Variants in HYCC2 observed in about 807,000 individuals in gnomAD.
HYCC2 encodes the protein hyccin 2.
the HYCC2 span, among the ~76,000 whole-genome samples, chr2:201,068,224 T>C: frequency 2.6e-5 from 4 of 151,894 alleles, no homozygotes; most frequent in Admixed American, 6.6e-5. Context: ...GAGGCAGAGG[T>C]TGCTGTGAGC....
chr2:201,049,212 A>G, the HYCC2 span, among the ~76,000 whole-genome samples: 1 of 152,118 alleles, frequency 6.6e-6, no homozygotes, highest in African/African-American at 2.4e-5. Context: ...ATAGTTGGAG[A>G]CCCACATCTC....
the HYCC2 span, among the ~76,000 whole-genome samples, chr2:201,059,162 T>G: frequency 6.6e-6 from 1 of 152,216 alleles, no homozygotes; most frequent in Non-Finnish European, 1.5e-5. Context: ...CTCCTGAGTC[T>G]CCAGCTTGCC....
chr2:201,027,513 A>T, the HYCC2 span, among the ~76,000 whole-genome samples: 1 of 152,194 alleles, frequency 6.6e-6, no homozygotes, highest in Non-Finnish European at 1.5e-5. Context: ...CACAACAAAA[A>T]AAGAGAATTT....
the HYCC2 span, chr2:200,981,260 G>A: frequency 1.1e-5 from 17 of 1,609,088 alleles, no homozygotes; most frequent in Non-Finnish European, 1.3e-5. The surrounding 1 kb of genome is among the most constrained non-coding windows in gnomAD (Gnocchi z 4.5). Context: ...GATGAGGGAG[G>A]ATGTCAAAAC....
At chr2:201,071,216 C>T in the HYCC2 span, among the ~76,000 whole-genome samples, 1 of 152,186 alleles carries the variant, frequency 6.6e-6, no homozygotes, top group South Asian at 2.1e-4. Flanking sequence ...CCCTAAGAAG[C>T]AATCACTGGG....
the HYCC2 span, chr2:200,993,092 C>G: frequency 4.3e-6 from 4 of 931,082 alleles, no homozygotes; most frequent in African/African-American, 1.6e-5. Context: ...TCAATTTATT[C>G]ATTCCTCAAG....
chr2:201,059,936 T>C, the HYCC2 span, among the ~76,000 whole-genome samples: 1 of 151,390 alleles, frequency 6.6e-6, no homozygotes, highest in Non-Finnish European at 1.5e-5. Flanking sequence ...TCCCAGCTAC[T>C]TGGGAGGCTG....
the HYCC2 span, chr2:200,981,439 C>T: frequency 1.2e-6 from 2 of 1,614,150 alleles, no homozygotes; most frequent in South Asian, 2.2e-5. This position sits in a 1 kb window ranked among gnomAD's most constrained non-coding sequence, Gnocchi z 4.5. Flanking sequence ...ATTAGTACCT[C>T]CCTCAGTGCC....
chr2:201,071,141 T>G, the HYCC2 span, among the ~76,000 whole-genome samples: 1 of 152,212 alleles, frequency 6.6e-6, no homozygotes, highest in East Asian at 1.9e-4. Context: ...ATAATGAGTG[T>G]TCAGAATCTG....
chr2:201,029,991 G>A, the HYCC2 span, among the ~76,000 whole-genome samples: 1 of 152,200 alleles, frequency 6.6e-6, no homozygotes, highest in Non-Finnish European at 1.5e-5. Context: ...GGAGGCTGAG[G>A]TGGGAAGAAC....
the HYCC2 span, among the ~76,000 whole-genome samples, chr2:201,054,083 C>T: frequency 7.1e-3 from 1,086 of 152,258 alleles, 16 homozygotes; most frequent in African/African-American, 0.025. Flanking sequence ...CCTGGGAATC[C>T]AGAAGGTCAT....
the HYCC2 span, among the ~76,000 whole-genome samples, chr2:201,029,146 G>C: frequency 6.6e-6 from 1 of 152,188 alleles, no homozygotes; most frequent in African/African-American, 2.4e-5. Flanking sequence ...AGCGGGCAAA[G>C]CATATGAACA....
At chr2:201,048,667 C>T in the HYCC2 span, among the ~76,000 whole-genome samples, 1 of 151,906 alleles carries the variant, frequency 6.6e-6, no homozygotes, top group African/African-American at 2.4e-5. Flanking sequence ...TTTTGTCAGA[C>T]TGGATTAAAC....
At chr2:200,992,599 A>T in the HYCC2 span, among the ~76,000 whole-genome samples, 1,469 of 152,294 alleles carry the variant, frequency 9.6e-3, 27 homozygotes, top group African/African-American at 0.034. Context: ...ACATGCTGAT[A>T]TTTAGAGTAA....
the HYCC2 span, chr2:201,021,529 T>C: frequency 6.5e-6 from 1 of 154,086 alleles, no homozygotes; most frequent in African/African-American, 2.4e-5. Context: ...TATACACTTG[T>C]GAGCCCTAAT....
the HYCC2 span, among the ~76,000 whole-genome samples, chr2:201,024,526 C>T: frequency 6.6e-6 from 1 of 151,418 alleles, no homozygotes; most frequent in Non-Finnish European, 1.5e-5. Context: ...TTTAATGATA[C>T]ACTTGAAACC....
the HYCC2 span, among the ~76,000 whole-genome samples, chr2:201,033,159 ATG>A: frequency 0.18 from 20,977 of 117,518 alleles, 2,182 homozygotes; most frequent in Middle Eastern, 0.28. Flanking sequence ...ATGTGTGTGT[ATG>A]TGTGTGTGTG....
At chr2:200,992,567 T>C in the HYCC2 span, among the ~76,000 whole-genome samples, 1 of 152,252 alleles carries the variant, frequency 6.6e-6, no homozygotes, top group Admixed American at 6.5e-5. Flanking sequence ...CAAATGTTTC[T>C]TCACATAAAT....
At chr2:201,031,592 G>A in the HYCC2 span, among the ~76,000 whole-genome samples, 1,104 of 152,186 alleles carry the variant, frequency 7.3e-3, 15 homozygotes, top group African/African-American at 0.025. Context: ...CGGAGGTTGC[G>A]GTGAGCCGAG....
Sources: gnomAD v4.1 joint callset for allele counts (sites outside exome capture counted in the v4.1 genomes callset) on GRCh38, gnomAD v4.1.1 for gene constraint, Gnocchi (gnomAD v3.1) non-coding constraint, MANE v1.5 for transcripts, NCBI Gene and HGNC (gene_info 2026-07-23, HGNC 2026-07-21) for gene names.